DYRK1A: variants seen among roughly 807,000 people sequenced by gnomAD.
The protein encoded by DYRK1A is dual specificity tyrosine-phosphorylation-regulated kinase 1A.
Under a neutral mutation model 79.7 loss-of-function variants are expected in DYRK1A, and 9 were observed. The observed-to-expected ratio is 0.11, with a 90% CI of 0.07 to 0.20. DYRK1A has a LOEUF of 0.20. Among genes scored for constraint, DYRK1A ranks in the 10% least tolerant of loss-of-function variants. The probability of loss-of-function intolerance (pLI) is 1.00; values close to 1 mark genes in which losing one functional copy is unlikely to be tolerated. For synonymous variants in DYRK1A, 349 were observed against 329.7 expected (o/e 1.06, Z -0.63); for missense variants, 622 against 956.0 (o/e 0.65, Z 4.61).
At chr21:37,487,404 C>G (rs777637613) in intron 6 of DYRK1A, 1 of 152,144 alleles carries the variant, frequency 6.6e-6, no homozygotes, top group Non-Finnish European at 1.5e-5. Context: ...GGCAAAATAT[C>G]TTCTAGTACA....
At chr21:37,478,081 C>T in intron 3 of DYRK1A, 127 bp from the exon 4 acceptor site, 8 of 1,256,050 alleles carry the variant, frequency 6.4e-6, no homozygotes, top group Non-Finnish European at 8.8e-6. Context: ...GTATAATCAT[C>T]TAATGTGTAG....
At chr21:37,443,118 G>A (rs530615598) in intron 2 of DYRK1A, among the ~76,000 whole-genome samples, 1 of 151,990 alleles carries the variant, frequency 6.6e-6, no homozygotes, top group African/African-American at 2.4e-5. Context: ...GCCACTGTCC[G>A]CAACCATAGA....
chr21:37,400,470 T>G (rs2050033078), intron 1 of DYRK1A, among the ~76,000 whole-genome samples: 1 of 152,222 alleles, frequency 6.6e-6, no homozygotes, highest in Non-Finnish European at 1.5e-5. Context: ...TGTAGATATA[T>G]CATAAGTATA....
intron 2 of DYRK1A, among the ~76,000 whole-genome samples, chr21:37,445,216 T>G (rs897277958): frequency 6.6e-6 from 1 of 152,198 alleles, no homozygotes; most frequent in Non-Finnish European, 1.5e-5. Flanking sequence ...CAGCCCTGCT[T>G]GTCACTTACA....
chr21:37,441,420 C>G (rs11702573), intron 2 of DYRK1A, among the ~76,000 whole-genome samples: 11,457 of 151,940 alleles, frequency 0.075, 644 homozygotes, highest in Non-Finnish European at 0.11. Context: ...ATCTGTCATC[C>G]TGCTATTTAT....
chr21:37,505,830 T>G (rs1015732611), intron 10 of DYRK1A, among the ~76,000 whole-genome samples: 4 of 152,244 alleles, frequency 2.6e-5, no homozygotes, highest in Non-Finnish European at 5.9e-5. Flanking sequence ...TTTAAATTAC[T>G]TCTTAAATGG....
At chr21:37,417,542 T>TTTTTTC (rs2050378594) in intron 1 of DYRK1A, among the ~76,000 whole-genome samples, 2 of 135,812 alleles carry the variant, frequency 1.5e-5, no homozygotes, top group African/African-American at 5.6e-5. Context: ...TTTTTTTTTT[T>TTTTTTC]TTTTTTTTTT....
rs879868609 is a variant in DYRK1A, at chr21:37,367,145, C to G, written c.-560C>G. ...CGAGTGTGCGGGTGTGTGCGAGTGT[C>G]TGTCTGTCTGTGCGGGGACTCGGGG... On this transcript the variant is annotated 5_prime_UTR_variant, in exon 1 of 12. Transcript: ENST00000647188. 6.6e-6 allele frequency: 1 copy of G among 151,726 alleles called. No individual in the cohort carries two copies. Among genetic ancestry groups the G allele is most frequent in the East Asian group, 1.9e-4 (1 of 5,146 alleles). 9.4% of individuals were successfully genotyped at this position (151,726 alleles called of 1,614,324 possible). A position where few individuals can be genotyped will look rare whatever the true frequency, so the allele number is the denominator to read the frequency against.
upstream of DYRK1A, chr21:37,366,307 GC>G (rs1251511411): frequency 1.4e-5 from 2 of 145,710 alleles, no homozygotes; most frequent in African/African-American, 4.9e-5. Context: ...CCCGGCGCGG[GC>G]GGGGCTGCGG....
chr21:37,467,246 T>C (rs1197897692), intron 2 of DYRK1A, among the ~76,000 whole-genome samples: 1 of 152,258 alleles, frequency 6.6e-6, no homozygotes, highest in Non-Finnish European at 1.5e-5. Flanking sequence ...AATCTTTTTT[T>C]GTTTGTTTTC....
chr21:37,446,281 G>C (rs139064571), intron 2 of DYRK1A, among the ~76,000 whole-genome samples: 95 of 152,236 alleles, frequency 6.2e-4, no homozygotes, highest in African/African-American at 1.9e-3. Flanking sequence ...CTCCTAAGAA[G>C]TATTAGCTCT....
At chr21:37,503,808 A>G (rs1479575149) in intron 9 of DYRK1A, 1 of 152,198 alleles carries the variant, frequency 6.6e-6, no homozygotes, top group Non-Finnish European at 1.5e-5. Flanking sequence ...TAAATTGTTT[A>G]TCATAATTTA....
intron 1 of DYRK1A, among the ~76,000 whole-genome samples, chr21:37,378,682 T>A (rs2049597497): frequency 6.6e-6 from 1 of 152,224 alleles, no homozygotes; most frequent in East Asian, 1.9e-4. Context: ...GTCCTCTGTA[T>A]GAGATATGAG....
chr21:37,451,706 G>GTA (rs2051458904), intron 2 of DYRK1A, among the ~76,000 whole-genome samples: 1 of 147,732 alleles, frequency 6.8e-6, no homozygotes, highest in African/African-American at 2.4e-5. Context: ...GGCGTGCAGT[G>GTA]TATACTCAGT....
intron 2 of DYRK1A, among the ~76,000 whole-genome samples, chr21:37,442,216 T>G (rs8129561): frequency 0.87 from 131,351 of 151,834 alleles, 56,940 homozygotes; most frequent in East Asian, 1. Context: ...CTTGTGCTTG[T>G]GGTTTGTTGA....
intron 1 of DYRK1A, among the ~76,000 whole-genome samples, chr21:37,376,482 G>C (rs1313188123): frequency 6.6e-6 from 1 of 152,074 alleles, no homozygotes; most frequent in Non-Finnish European, 1.5e-5. Context: ...GCGACAGAGT[G>C]AGACTTCGTC....
intron 1 of DYRK1A, among the ~76,000 whole-genome samples, chr21:37,391,498 C>T (rs958193517): frequency 3.9e-5 from 6 of 152,200 alleles, no homozygotes; most frequent in African/African-American, 1.4e-4. Context: ...TGTGAGAGAA[C>T]AGAGGTAAAT....
intron 2 of DYRK1A, among the ~76,000 whole-genome samples, chr21:37,454,231 T>C (rs1166114474): frequency 6.6e-6 from 1 of 151,878 alleles, no homozygotes; most frequent in Non-Finnish European, 1.5e-5. Context: ...TAGCTGGGAC[T>C]ATAGGCGTGC....
chr21:37,403,657 ATATATATG>A (rs2050096734), intron 1 of DYRK1A, among the ~76,000 whole-genome samples: 3 of 124,952 alleles, frequency 2.4e-5, no homozygotes, highest in Admixed American at 8.1e-5. Context: ...AAATATATAT[ATATATATG>A]TGTGTGTGTG....
Sources: gnomAD v4.1 joint callset for allele counts (sites outside exome capture counted in the v4.1 genomes callset) on GRCh38, gnomAD v4.1.1 for gene constraint, MANE v1.5 for transcripts, NCBI Gene and HGNC (gene_info 2026-07-23, HGNC 2026-07-21) for gene names.